Variants in AFDN observed in about 807,000 individuals in gnomAD.
The protein encoded by AFDN is afadin.
A neutral mutation model predicts 216.6 loss-of-function variants in AFDN; 68 were observed. That is an observed-to-expected ratio of 0.31 (90% CI 0.26 to 0.38). AFDN has a LOEUF of 0.38. AFDN is among the 10% of genes least tolerant of loss of function. The probability of loss-of-function intolerance (pLI) is 1.00; values close to 1 mark genes in which losing one functional copy is unlikely to be tolerated. For synonymous variants in AFDN, 868 were observed against 853.7 expected, an observed-to-expected ratio of 1.02 and a Z score of -0.29; for missense variants, 2,136 against 2,342.0, an observed-to-expected ratio of 0.91 and a Z score of 1.82.
At chr6:167,846,585 AACTTTTTATTTG>A (rs1781705115) in intron 1 of AFDN, among the ~76,000 whole-genome samples, 1 of 151,944 alleles carries the variant, frequency 6.6e-6, no homozygotes, top group African/African-American at 2.4e-5. Flanking sequence ...ACTTCTCATT[AACTTTTTATTTG>A]TTGTGATGTA....
intron 6 of AFDN, among the ~76,000 whole-genome samples, chr6:167,884,434 A>G (rs1025492788): frequency 6.6e-6 from 1 of 152,220 alleles, no homozygotes; most frequent in African/African-American, 2.4e-5. Context: ...TTTCTTAAAT[A>G]ATAAGACTTG....
chr6:167,962,609 C>A lies in AFDN; in HGVS notation c.4968+42C>A, dbSNP rs1212388837. 6.2e-6 allele frequency: 10 copies of A among 1,612,792 alleles called. No individual in the cohort carries two copies. The highest frequency in any genetic ancestry group is 8.5e-6 in the Non-Finnish European group (10 of 1,178,988). On this transcript the variant is annotated intron_variant, in intron 31 of 33. Transcript: ENST00000683244. The surrounding 1 kb of genome is among the most constrained non-coding windows in gnomAD (Gnocchi z 5.2). ...GGCAGCTAGAATTTTACCAAGTTAGCCTGAACGTAATCGATTGGCTGGGGC... is the reference window on the plus strand; with the variant it reads ...GGCAGCTAGAATTTTACCAAGTTAGACTGAACGTAATCGATTGGCTGGGGC...
intron 26 of AFDN, among the ~76,000 whole-genome samples, chr6:167,946,395 C>CAT (rs1239198319): frequency 6.6e-6 from 1 of 151,982 alleles, no homozygotes; most frequent in Non-Finnish European, 1.5e-5. Context: ...GTCAGGGAAA[C>CAT]ATATATATCT....
At chr6:167,839,961 T>C (rs996136057) in intron 1 of AFDN, among the ~76,000 whole-genome samples, 2 of 152,180 alleles carry the variant, frequency 1.3e-5, no homozygotes, top group African/African-American at 4.8e-5. Flanking sequence ...GTACACACTG[T>C]ACTAGCACAG....
At chr6:167,921,079 A>G (rs1562676707) in intron 21 of AFDN, among the ~76,000 whole-genome samples, 1 of 152,248 alleles carries the variant, frequency 6.6e-6, no homozygotes, top group African/African-American at 2.4e-5. Flanking sequence ...GGCCTGCTGT[A>G]TGTTCAGTGC....
rs550123815 is a variant in AFDN at position 167,935,263 on chromosome 6, A to T, written c.3100-7866A>T. ...AAATGTTAAGATCAAACAGGCAGTG[A>T]TCTTTGTGTTTCCTTTTTGCGTGTT... On this transcript the variant is annotated intron_variant, in intron 23 of 33. Transcript: ENST00000683244. Among the ~76,000 whole-genome samples the T allele has an allele frequency of 7.9e-5, 12 of 152,292 alleles. No individual in the cohort carries two copies. The South Asian group carries it at 2.5e-3, about 32-fold the overall frequency.
At chr6:167,856,119 G>C (rs1172718228) in intron 1 of AFDN, among the ~76,000 whole-genome samples, 1 of 152,068 alleles carries the variant, frequency 6.6e-6, no homozygotes, top group East Asian at 1.9e-4. Flanking sequence ...GTCACATATA[G>C]CTGCCTCATT....
At chr6:167,826,817 CCGCGCGGGGCGGCGG>C (rs1162124079), upstream of AFDN, 3 of 142,762 alleles carry the variant, frequency 2.1e-5, no homozygotes, top group Non-Finnish European at 4.7e-5. Context: ...TGCGGCGGCG[CCGCGCGGGGCGGCGG>C]CGCGCACGGC....
intron 1 of AFDN, among the ~76,000 whole-genome samples, chr6:167,829,254 T>C (rs1486804185): frequency 6.6e-6 from 1 of 152,228 alleles, no homozygotes; most frequent in East Asian, 1.9e-4. Context: ...ATATAGTGGC[T>C]GGCTCACATT....
chr6:167,833,574 G>A (rs506378), intron 1 of AFDN, among the ~76,000 whole-genome samples: 16,109 of 152,192 alleles, frequency 0.11, 1,000 homozygotes, highest in South Asian at 0.23. Context: ...ATTCTTGTTT[G>A]CTCATAGTGG....
intron 1 of AFDN, among the ~76,000 whole-genome samples, chr6:167,850,034 CAA>C (rs1782126507): frequency 6.6e-6 from 1 of 152,112 alleles, no homozygotes; most frequent in African/African-American, 2.4e-5. Flanking sequence ...TTTGGTAATG[CAA>C]AGAGTGAAAC....
rs765551134 is a variant in AFDN at position 167,951,257 on chromosome 6, A to C, written c.3903A>C (p.Ala1301=). 3 of 1,612,282 alleles carry C rather than the reference A, an allele frequency of 1.9e-6. No homozygotes were observed. Among genetic ancestry groups the C allele is most frequent in the South Asian group, 1.1e-5 (1 of 90,604 alleles). ...AYQLERHRIE[A]AMDRKSDSDM... is the part of the protein sequence containing the mutation. ...AACTTGAGCGGCATCGAATAGAGGC[A>C]GCTATGGACCGAAAGTCTGATAGTG... Residue 1301 remains alanine, a synonymous_variant, in exon 30 of 34, where the codon GCA becomes GCC. Coordinates refer to ENST00000683244, the MANE Select transcript of AFDN (RefSeq NM_001386888.1). This position sits in a 1 kb window ranked among gnomAD's most constrained non-coding sequence, Gnocchi z 7.1.
chr6:167,950,853 G>C (rs887023363), intron 29 of AFDN, among the ~76,000 whole-genome samples: 2 of 146,142 alleles, frequency 1.4e-5, no homozygotes, highest in Non-Finnish European at 3.0e-5. Context: ...TTGCTTTTTT[G>C]CTTTTTTTTT....
chr6:167,898,454 A>C lies in AFDN; in HGVS notation c.1567A>C (p.Arg523=). The C allele has an allele frequency of 6.2e-7, 1 of 1,614,174 alleles. No homozygotes were observed. Among genetic ancestry groups the C allele is most frequent in the South Asian group, 1.1e-5 (1 of 91,070 alleles). Residue 523 remains arginine (R), a synonymous_variant, in exon 11 of 34, where the codon AGA becomes CGA. Coordinates refer to ENST00000683244, the MANE Select transcript of AFDN (RefSeq NM_001386888.1). The stretch of plus-strand genomic sequence containing the variant: ...TGGAGGCCTGATGGTTAAGGGCCCA[A>C]GACATAAACCTGGGTAAATAGATTA... The part of the protein sequence containing the change: ...VDGGLMVKGP[R]HKPGIVQETT...
rs772092330 is a variant in AFDN at position 167,890,544 on chromosome 6, C to A, written c.1010-318C>A. The stretch of plus-strand genomic sequence containing the variant: ...TATATGTATGAATGTATTTACTGAT[C>A]ATAGAGTTGTTTACTAATGTAAGCA... On this transcript the variant is annotated intron_variant, in intron 7 of 33. Transcript: ENST00000683244. Among the ~76,000 whole-genome samples, 179 of 149,584 alleles carry A rather than the reference C, an allele frequency of 1.2e-3. 1 individual carries two copies. The highest frequency in any genetic ancestry group is 2.3e-3 in the Non-Finnish European group (157 of 67,478).
intron 12 of AFDN, among the ~76,000 whole-genome samples, chr6:167,904,843 C>T (rs1239956759): frequency 6.6e-6 from 1 of 152,192 alleles, no homozygotes; most frequent in Non-Finnish European, 1.5e-5. Context: ...ATTCTCCTCA[C>T]ATTTAAAAAA....
intron 23 of AFDN, among the ~76,000 whole-genome samples, chr6:167,928,540 T>C (rs1583444182): frequency 1.3e-5 from 2 of 152,338 alleles, no homozygotes; most frequent in Non-Finnish European, 1.5e-5. Flanking sequence ...CTGCCAGTTA[T>C]GAACCTGGGA....
chr6:167,915,467 T>C (rs1790935341), intron 19 of AFDN, 34 bp downstream of exon 19: 2 of 1,573,536 alleles, frequency 1.3e-6, no homozygotes, highest in Non-Finnish European at 1.7e-6. Flanking sequence ...GCTCATGTGC[T>C]TTATGATAAA....
chr6:167,890,994 C>T lies in AFDN; in HGVS notation c.1142C>T (p.Pro381Leu), dbSNP rs200779172. Residue 381 changes from proline to leucine, a missense_variant, in exon 8 of 34, where the codon CCG (proline) becomes CTG (leucine). Physicochemically the swap from Pro to Leu is moderately conservative, Grantham distance 98. Around this residue, in one of 8 missense-constraint regions of AFDN, gnomAD observed 817 missense variants for 965.7 expected, o/e 0.85. Transcript: ENST00000683244. ...TCTGGCTATGGCTCCACCCTTCCTCCGGAGAAGCTGCCCTATTTAGTAGAG... is the reference window on the plus strand; with the variant it reads ...TCTGGCTATGGCTCCACCCTTCCTCTGGAGAAGCTGCCCTATTTAGTAGAG... ...DGSGYGSTLP[P>L]EKLPYLVELS... 19 of 1,613,848 alleles carry T rather than the reference C, an allele frequency of 1.2e-5. No individual in the cohort carries two copies. Among genetic ancestry groups the T allele is most frequent in the African/African-American group, 2.7e-5 (2 of 75,022 alleles).
Sources: gnomAD v4.1 joint callset for allele counts (sites outside exome capture counted in the v4.1 genomes callset) on GRCh38, gnomAD v4.1.1 for gene constraint, gnomAD v4.1.1 regional missense constraint, Gnocchi (gnomAD v3.1) non-coding constraint, MANE v1.5 for transcripts, NCBI Gene and HGNC (gene_info 2026-07-23, HGNC 2026-07-21) for gene names.